The following SH3TC1 variants were observed in gnomAD, a reference collection of about 807,000 sequenced individuals.
The protein encoded by SH3TC1 is SH3 domain and tetratricopeptide repeats 1.
SH3TC1 carries 135 observed loss-of-function variants against 117.3 expected under a neutral mutation model. That is an observed-to-expected ratio of 1.15 (90% confidence interval 1.00 to 1.33). The LOEUF (loss-of-function observed/expected upper bound fraction) is 1.33. Among genes scored for constraint, SH3TC1 ranks in the 40% most tolerant of loss-of-function variants. The pLI is 0.00. For missense variants in SH3TC1, 2,092 were observed against 1,794.3 expected (o/e 1.17, Z -3.00); for synonymous variants, 898 against 816.9 (o/e 1.10, Z -1.69).
intron 9 of SH3TC1, 120 bp downstream of exon 9, chr4:8,219,650 G>C: frequency 1.8e-6 from 2 of 1,128,186 alleles, no homozygotes. Flanking sequence ...ACGATGCCTA[G>C]TCTCTTCCCT....
In SH3TC1 at chr4:8,225,883, G is replaced by A. The variant is rs561267168; in HGVS notation, c.1285+667G>A. ...GAAGGCTGTTGTAGGTTTTCCTGGGGGAGGGGGTGGATCCACCCTCTGCCG... is the reference window on the plus strand; with the variant it reads ...GAAGGCTGTTGTAGGTTTTCCTGGGAGAGGGGGTGGATCCACCCTCTGCCG... On this transcript the variant is annotated intron_variant, in intron 11 of 17. Coordinates refer to ENST00000245105, the MANE Select transcript of SH3TC1 (RefSeq NM_018986.5). This position sits in a 1 kb window ranked among gnomAD's most constrained non-coding sequence, Gnocchi z 5.5. Among the ~76,000 whole-genome samples, 121 of 152,234 alleles carry A rather than the reference G, an allele frequency of 7.9e-4. 1 individual carries two copies. The highest frequency in any genetic ancestry group is 2.6e-4 in the Non-Finnish European group (18 of 68,012).
rs542200415 is a variant in SH3TC1 at position 8,209,068 on chromosome 4, G to C, written c.173-680G>C. ...CCCCCAGCAGGGAACCAAGCAACCA[G>C]TAGGGGTCTATGTCCTGGCTCCTAC... On this transcript the variant is annotated intron_variant, in intron 2 of 17. Coordinates refer to ENST00000245105, the MANE Select transcript of SH3TC1 (RefSeq NM_018986.5). This position sits in a 1 kb window ranked among gnomAD's most constrained non-coding sequence, Gnocchi z 5.9. Among the ~76,000 whole-genome samples the C allele has an allele frequency of 6.6e-6, 1 of 152,326 alleles. No individual in the cohort carries two copies. The highest frequency in any genetic ancestry group is 2.1e-4 in the South Asian group (1 of 4,828).
chr4:8,217,271 C>G lies in SH3TC1; in HGVS notation c.839+104C>G, dbSNP rs1719391798. 11 of 1,364,982 alleles carry G rather than the reference C, an allele frequency of 8.1e-6. No individual in the cohort carries two copies. In the South Asian group the frequency reaches 1.4e-4, roughly 17 times the overall value. 84.6% of individuals were successfully genotyped at this position (1,364,982 alleles called of 1,614,324 possible). A position where few individuals can be genotyped will look rare whatever the true frequency, so the allele number is the denominator to read the frequency against. On this transcript the variant is annotated intron_variant, in intron 7 of 17. Transcript: ENST00000245105. ...GGATGGACAGGGAATGGTGGGGGCC[C>G]CGGACAGACCTGGCCATGGCCTTGT...
chr4:8,237,287 G>A (rs1721904743), intron 16 of SH3TC1, 187 bp from the exon 17 acceptor site: 3 of 510,494 alleles, frequency 5.9e-6, no homozygotes, highest in African/African-American at 4.0e-5. Context: ...AAGCCTCACG[G>A]TAGATGGGGG....
At position 8,237,344 on chromosome 4, in the gene SH3TC1, G is replaced by A. The variant is rs1039139445; in HGVS notation, c.3557-130G>A. 25 of 686,600 alleles carry A rather than the reference G, an allele frequency of 3.6e-5. No individual in the cohort carries two copies. The Admixed American group carries it at 6.7e-4, about 19-fold the overall frequency. 42.5% of individuals were successfully genotyped at this position (686,600 alleles called of 1,614,324 possible). ...TGTAGATGGGAAAGTGAGTCTGGGAGCTGGGAAGGGACTGGCCAGAACTGC... is the reference window on the plus strand; with the variant it reads ...TGTAGATGGGAAAGTGAGTCTGGGAACTGGGAAGGGACTGGCCAGAACTGC... On this transcript the variant is annotated intron_variant, in intron 16 of 17. Coordinates refer to ENST00000245105, the MANE Select transcript of SH3TC1 (RefSeq NM_018986.5).
intron 5 of SH3TC1, 150 bp downstream of exon 5, chr4:8,214,730 C>A: frequency 1.5e-6 from 1 of 674,712 alleles, no homozygotes; most frequent in East Asian, 2.9e-5. Context: ...GTCGCCCAGG[C>A]TGGAGTGCAA....
rs1378103729 is a variant in SH3TC1 at position 8,215,787 on chromosome 4, T to C, written c.482-324T>C. 2.6e-5 allele frequency among the ~76,000 whole-genome samples: 4 copies of C among 152,176 alleles called. No individual in the cohort carries two copies. The South Asian group carries it at 6.2e-4, about 24-fold the overall frequency. Reference sequence around the variant, plus strand: ...TCAGACCCACCTTGCTGCTGGCCCATACCCCCTGCGGCCTGCACGGCCCCC... The same window carrying C: ...TCAGACCCACCTTGCTGCTGGCCCACACCCCCTGCGGCCTGCACGGCCCCC... On this transcript the variant is annotated intron_variant, in intron 5 of 17. Transcript: ENST00000245105.
intron 1 of SH3TC1, among the ~76,000 whole-genome samples, chr4:8,184,185 A>G (rs1717160929): frequency 6.6e-6 from 1 of 152,252 alleles, no homozygotes; most frequent in Non-Finnish European, 1.5e-5. Context: ...ATGTGAGTTC[A>G]TACTGACGTC....
In SH3TC1 at chr4:8,222,996, G is replaced by C. The variant is rs746893665; in HGVS notation, c.1243+26G>C. On this transcript the variant is annotated intron_variant, in intron 10 of 17. Transcript: ENST00000245105. ...GTGCGTGTGGGCGATGCCTGTGGTGGGGCCACTGCCCTCCCCTTTCCCTTC... is the reference window on the plus strand; with the variant it reads ...GTGCGTGTGGGCGATGCCTGTGGTGCGGCCACTGCCCTCCCCTTTCCCTTC... 19 of 1,598,448 alleles carry C rather than the reference G, an allele frequency of 1.2e-5. 1 individual carries two copies. In the Middle Eastern group the frequency reaches 6.8e-4, roughly 57 times the overall value.
Position 8,236,313 on chromosome 4 carries a change from C to G in SH3TC1, c.3441C>G (p.Asn1147Lys). The change falls in exon 16 of 18, where the codon AAC becomes AAG. Residue 1147 changes from asparagine (N) to lysine (K), a missense_variant. Coordinates refer to ENST00000245105, the MANE Select transcript of SH3TC1 (RefSeq NM_018986.5). ...TGCCCCTGGCAGTGACTACGGGCAA[C>G]CGCAAGGCGGAGCTGCGGCTGTGCA... Reference protein sequence around the residue: ...RALPLAVTTGNRKAELRLCNK... With the variant: ...RALPLAVTTGKRKAELRLCNK... 6.4e-7 allele frequency: 1 copy of G among 1,555,866 alleles called. No homozygotes were observed. Among genetic ancestry groups the G allele is most frequent in the East Asian group, 2.4e-5 (1 of 41,560 alleles).
At chr4:8,202,760 C>T (rs1442933395) in intron 1 of SH3TC1, among the ~76,000 whole-genome samples, 2 of 152,212 alleles carry the variant, frequency 1.3e-5, no homozygotes, top group South Asian at 2.1e-4. Flanking sequence ...ATTCCCTCCC[C>T]GGCCAGAGCT....
chr4:8,214,512 A>G lies in SH3TC1; in HGVS notation c.413A>G (p.Gln138Arg), dbSNP rs778463745. The change falls in exon 5 of 18, where the codon CAG becomes CGG. Residue 138 changes from glutamine to arginine, a missense_variant. Gln to Arg is a conservative substitution (Grantham distance 43). Transcript: ENST00000245105. Reference sequence around the variant, plus strand: ...AGGCTGCTGTCCATCCACAGTGACCAGGACCGGATCGTGGTGACGTTTAAG... The same window carrying G: ...AGGCTGCTGTCCATCCACAGTGACCGGGACCGGATCGTGGTGACGTTTAAG... ...SARLLSIHSD[Q>R]DRIVVTFKTF... The G allele has an allele frequency of 6.8e-6, 11 of 1,614,050 alleles. No homozygotes were observed. In the East Asian group the frequency reaches 2.5e-4, roughly 36 times the overall value.
intron 1 of SH3TC1, among the ~76,000 whole-genome samples, chr4:8,200,577 C>T (rs1717767374): frequency 6.6e-6 from 1 of 152,226 alleles, no homozygotes; most frequent in Admixed American, 6.5e-5. Flanking sequence ...AGACGTCACT[C>T]ACTCTTCCAG....
chr4:8,239,976 A>G (rs1722191033), intron 17 of SH3TC1, among the ~76,000 whole-genome samples: 1 of 152,230 alleles, frequency 6.6e-6, no homozygotes, highest in Non-Finnish European at 1.5e-5. Flanking sequence ...GGGCTGCTGC[A>G]TCTTAGACTT....
intron 2 of SH3TC1, among the ~76,000 whole-genome samples, chr4:8,207,310 C>T (rs928985053): frequency 3.9e-5 from 6 of 152,342 alleles, no homozygotes; most frequent in Non-Finnish European, 7.3e-5. Context: ...GTCTATTAGT[C>T]TCTGGCTGGT....
intron 12 of SH3TC1, chr4:8,231,621 C>T: frequency 3.8e-6 from 1 of 265,996 alleles, no homozygotes; most frequent in Non-Finnish European, 7.1e-6. Context: ...TGGTTTTGCT[C>T]CCCCAGGGTT....
chr4:8,227,965 GC>G lies in SH3TC1; in HGVS notation c.2275del (p.His759ThrfsTer18). 6.2e-7 allele frequency: 1 copy of G among 1,612,406 alleles called. No individual in the cohort carries two copies. On this transcript the variant is annotated frameshift_variant, in exon 12 of 18. Transcript: ENST00000245105. LOFTEE classifies it high-confidence loss of function. ...ACCTGGTGCTCCAGAACGCCCCCCAGCCCCACAGCCTCCCTGCCCAAACTTC... is the reference window on the plus strand; with the variant it reads ...ACCTGGTGCTCCAGAACGCCCCCCAGCCCACAGCCTCCCTGCCCAAACTTC... ...VNLVLQNAPQ[P>X]HSLPAQTSHY...
At chr4:8,236,631 G>A (rs1269528940) in intron 16 of SH3TC1, 2 of 557,202 alleles carry the variant, frequency 3.6e-6, no homozygotes, top group African/African-American at 3.9e-5. Context: ...CTGCCTGGCT[G>A]AGCTCTGCTT....
rs1458456634 is a variant in SH3TC1 at position 8,229,394 on chromosome 4, CAGGGGTGAGCGAGT to C, written c.2950+760_2950+773del. 3.0e-5 allele frequency: 4 copies of C among 135,166 alleles called. No individual in the cohort carries two copies. The East Asian group carries it at 9.5e-4, about 32-fold the overall frequency. 8.4% of individuals were successfully genotyped at this position (135,166 alleles called of 1,614,324 possible). A position where few individuals can be genotyped will look rare whatever the true frequency, so the allele number is the denominator to read the frequency against. On this transcript the variant is annotated intron_variant, in intron 12 of 17. Coordinates refer to ENST00000245105, the MANE Select transcript of SH3TC1 (RefSeq NM_018986.5). ...TGGTGGTGTAGCCTGTGTGAAGGCC[CAGGGGTGAGCGAGT>C]AGGGGTGAGTGAGTGGGGGTGTGAT...
Sources: gnomAD v4.1 joint callset for allele counts (sites outside exome capture counted in the v4.1 genomes callset) on GRCh38, gnomAD v4.1.1 for gene constraint, Gnocchi (gnomAD v3.1) non-coding constraint, MANE v1.5 for transcripts, NCBI Gene and HGNC (gene_info 2026-07-23, HGNC 2026-07-21) for gene names.